MSLN: variants seen among roughly 807,000 people sequenced by gnomAD.
MSLN encodes the protein mesothelin, also known as CAK1 antigen.
A neutral mutation model predicts 72.6 loss-of-function variants in MSLN; 82 were observed. That is an observed-to-expected ratio of 1.13 (90% CI 0.94 to 1.36). The LOEUF is 1.36. Ranked by LOEUF, MSLN falls within the 40% of genes most tolerant of loss-of-function variation. MSLN has a pLI of 0.00. For synonymous variants in MSLN, 456 were observed against 387.3 expected (o/e 1.18, Z -2.08); for missense variants, 1,005 against 847.9 (o/e 1.19, Z -2.30).
At chr16:763,590 C>A in intron 4 of MSLN, 52 bp from the exon 5 acceptor site, 1 of 1,537,210 alleles carries the variant, frequency 6.5e-7, no homozygotes, top group South Asian at 1.2e-5. Flanking sequence ...CCTGGGAACT[C>A]CTGCTCCAGA....
chr16:762,715 C>T lies in MSLN; in HGVS notation c.35C>T (p.Ser12Phe). The change falls in exon 3 of 18, where the codon TCC (serine) becomes TTC (phenylalanine). Residue 12 changes from serine (S) to phenylalanine (F), a missense_variant. Transcript: ENST00000545450. ...ALPTARPLLG[S>F]CGTPALGSLL... ...CCAACGGCTCGACCCCTGTTGGGGTCCTGTGGGACCCCCGCCCTCGGCAGC... is the reference window on the plus strand; with the variant it reads ...CCAACGGCTCGACCCCTGTTGGGGTTCTGTGGGACCCCCGCCCTCGGCAGC... 7 of 1,608,334 alleles carry T rather than the reference C, an allele frequency of 4.4e-6. 1 individual carries two copies. Among genetic ancestry groups the T allele is most frequent in the Non-Finnish European group, 5.9e-6 (7 of 1,178,194 alleles).
Position 766,401 on chromosome 16 carries a change from CCT to C in MSLN, c.1142_1143del (p.Pro381ArgfsTer19). On this transcript the variant is annotated frameshift_variant, in exon 13 of 18. Transcript: ENST00000545450. LOFTEE classifies it high-confidence loss of function. Reference sequence around the variant, plus strand: ...GGGCTACCTCTTCCTCAAGATGAGCCCTGAGGACATTCGCAAGTGGAATGTGA... The same window carrying C: ...GGGCTACCTCTTCCTCAAGATGAGCCGAGGACATTCGCAAGTGGAATGTGA... Reference protein sequence around the residue: ...HLGYLFLKMSPEDIRKWNVTS... With the variant: ...HLGYLFLKMSXEDIRKWNVTS... 1 of 1,612,724 alleles carries C rather than the reference CCT, an allele frequency of 6.2e-7. No individual in the cohort carries two copies. Among genetic ancestry groups the C allele is most frequent in the Non-Finnish European group, 8.5e-7 (1 of 1,179,936 alleles).
chr16:765,113 G>C lies in MSLN; in HGVS notation c.514G>C (p.Val172Leu). Reference sequence around the variant, plus strand: ...GCTGAGGCCAGCCTCTCTGCAGGGTGTGCGGGGGTCTCTGCTGAGCGAGGC... The same window carrying C: ...GCTGAGGCCAGCCTCTCTGCAGGGTCTGCGGGGGTCTCTGCTGAGCGAGGC... ...LLPAALACWG[V>L]RGSLLSEADV... Residue 172 changes from valine (V) to leucine (L), a missense_variant, in exon 9 of 18, where the codon GTG becomes CTG. Val to Leu is a conservative substitution (Grantham distance 32). Coordinates refer to ENST00000545450, the MANE Select transcript of MSLN (RefSeq NM_005823.6). 6.2e-7 allele frequency: 1 copy of C among 1,605,032 alleles called. No homozygotes were observed. The highest frequency in any genetic ancestry group is 8.5e-7 in the Non-Finnish European group (1 of 1,177,726).
chr16:768,130 G>T (rs1322181281), intron 16 of MSLN, among the ~76,000 whole-genome samples: 11 of 145,946 alleles, frequency 7.5e-5, no homozygotes, highest in Non-Finnish European at 1.4e-4. Flanking sequence ...CCAACGGGGG[G>T]TGGGAGGGCG....
intron 3 of MSLN, 48 bp from the exon 4 acceptor site, chr16:763,185 G>C (rs770513131): frequency 1.2e-4 from 165 of 1,336,914 alleles, no homozygotes; most frequent in Admixed American, 5.5e-4. Context: ...TCAGGGCACA[G>C]CCCAGAGGCC....
chr16:764,395 C>A (rs915125425), intron 6 of MSLN, among the ~76,000 whole-genome samples: 1 of 152,206 alleles, frequency 6.6e-6, no homozygotes, highest in African/African-American at 2.4e-5. Flanking sequence ...GCGCCGTGGG[C>A]AGCCCTCCAG....
In MSLN at chr16:765,198, C is replaced by A; in HGVS notation, c.599C>A (p.Ser200Ter). 6.3e-7 allele frequency: 1 copy of A among 1,593,120 alleles called. No homozygotes were observed. Residue 200 changes from serine (S) to a stop codon, truncating the protein, a stop_gained, in exon 9 of 18, where the codon TCG becomes TAG. Coordinates refer to ENST00000545450, the MANE Select transcript of MSLN (RefSeq NM_005823.6). LOFTEE classifies it high-confidence loss of function. The part of the protein sequence containing the change: ...CDLPGRFVAE[S>*]AEVLLPRLVS... ...CTGCCTGGGCGCTTTGTGGCCGAGT[C>A]GGCCGAAGTGCTGCTACCCCGGCTG...
In MSLN at chr16:765,805, C is replaced by T. The variant is rs1360880267; in HGVS notation, c.895+15C>T. On this transcript the variant is annotated intron_variant, in intron 11 of 17. Coordinates refer to ENST00000545450, the MANE Select transcript of MSLN (RefSeq NM_005823.6). ...GGAAGTGGAGAGTGAGTGCCGTGCC[C>T]TGCGCAGTCTGGCACCAGGCTGGGC... The T allele has an allele frequency of 5.6e-6, 9 of 1,593,416 alleles. No individual in the cohort carries two copies. In the Admixed American group the frequency reaches 1.2e-4, roughly 21 times the overall value.
rs1388398620 is a variant in MSLN at position 767,371 on chromosome 16, G to C, written c.1502-5G>C. The stretch of plus-strand genomic sequence containing the variant: ...CTCAGCTCGGGCCCCTCTCCCGGCG[G>C]GCAGGTGGGGCCCCCACGGAGGATT... On this transcript the variant is annotated splice_polypyrimidine_tract_variant and splice_region_variant and intron_variant, in intron 15 of 17. Coordinates refer to ENST00000545450, the MANE Select transcript of MSLN (RefSeq NM_005823.6). 6.2e-7 allele frequency: 1 copy of C among 1,610,840 alleles called. No individual in the cohort carries two copies. Among genetic ancestry groups the C allele is most frequent in the African/African-American group, 1.3e-5 (1 of 74,498 alleles).
At chr16:768,623 C>T (rs373677270) in intron 17 of MSLN, 25 bp from the exon 18 acceptor site, 3 of 1,611,216 alleles carry the variant, frequency 1.9e-6, no homozygotes, top group Non-Finnish European at 2.5e-6. Context: ...GAGGTGGGCG[C>T]TCTGAGTCAC....
chr16:766,749 C>G lies in MSLN; in HGVS notation c.1312C>G (p.Pro438Ala). ...CCTAGACACCCTGACCGCCTTCTAC[C>G]CTGGGTACCTGTGCTCCCTCAGCCC... ...DTLDTLTAFY[P>A]GYLCSLSPEE... Residue 438 changes from proline to alanine, a missense_variant, in exon 14 of 18, where the codon CCT (proline) becomes GCT (alanine). Coordinates refer to ENST00000545450, the MANE Select transcript of MSLN (RefSeq NM_005823.6). The G allele has an allele frequency of 6.2e-7, 1 of 1,612,662 alleles. No individual in the cohort carries two copies. The highest frequency in any genetic ancestry group is 8.5e-7 in the Non-Finnish European group (1 of 1,179,898).
At position 766,247 on chromosome 16, in the gene MSLN, G is replaced by C. The variant is rs202191911; in HGVS notation, c.1074+10G>C. The stretch of plus-strand genomic sequence containing the variant: ...GCATAAACTGGATGAGGTAGTTCAT[G>C]ACTCAAGTTCCCACCGGCCTGCTGT... On this transcript the variant is annotated intron_variant, in intron 12 of 17. Coordinates refer to ENST00000545450, the MANE Select transcript of MSLN (RefSeq NM_005823.6). 4 of 1,608,230 alleles carry C rather than the reference G, an allele frequency of 2.5e-6. No individual in the cohort carries two copies. Among genetic ancestry groups the C allele is most frequent in the Non-Finnish European group, 3.4e-6 (4 of 1,176,118 alleles).
rs780158883 is a variant in MSLN at position 763,990 on chromosome 16, G to A, written c.180-33G>A. 1.9e-5 allele frequency: 30 copies of A among 1,592,024 alleles called. No individual in the cohort carries two copies. The African/African-American group carries it at 2.5e-4, about 13-fold the overall frequency. ...TGGGTGGACATTGCAGGGGAGGGGCGATCGTGGGTGCCCAGCCCGACCCTT... is the reference window on the plus strand; with the variant it reads ...TGGGTGGACATTGCAGGGGAGGGGCAATCGTGGGTGCCCAGCCCGACCCTT... On this transcript the variant is annotated intron_variant, in intron 5 of 17. Coordinates refer to ENST00000545450, the MANE Select transcript of MSLN (RefSeq NM_005823.6).
At position 761,065 on chromosome 16, in the gene MSLN, G is replaced by C. The variant is rs1441582434; in HGVS notation, c.-111-8G>C. 6.6e-6 allele frequency: 1 copy of C among 152,430 alleles called. No homozygotes were observed. The highest frequency in any genetic ancestry group is 3.4e-3 in the Middle Eastern group (1 of 294). 9.4% of individuals were successfully genotyped at this position (152,430 alleles called of 1,614,324 possible). On this transcript the variant is annotated splice_polypyrimidine_tract_variant and splice_region_variant and intron_variant, in intron 1 of 17. Transcript: ENST00000545450. The stretch of plus-strand genomic sequence containing the variant: ...AGGGGCTGTCCTGTTCCTCATGGGC[G>C]CTGCCAGCGCCACGCACTCCTCTTT...
chr16:766,755 T>C lies in MSLN; in HGVS notation c.1318T>C (p.Tyr440His). Residue 440 changes from tyrosine to histidine, a missense_variant, in exon 14 of 18, where the codon TAC (tyrosine) becomes CAC (histidine). Transcript: ENST00000545450. The part of the protein sequence containing the change: ...LDTLTAFYPG[Y>H]LCSLSPEELS... Reference sequence around the variant, plus strand: ...CACCCTGACCGCCTTCTACCCTGGGTACCTGTGCTCCCTCAGCCCCGAGGA... The same window carrying C: ...CACCCTGACCGCCTTCTACCCTGGGCACCTGTGCTCCCTCAGCCCCGAGGA... 6.2e-7 allele frequency: 1 copy of C among 1,612,584 alleles called. No individual in the cohort carries two copies. The highest frequency in any genetic ancestry group is 8.5e-7 in the Non-Finnish European group (1 of 1,179,878).
rs767932671 is a variant in MSLN, at chr16:767,392, G to A, written c.1518G>A (p.Glu506=). 5.6e-5 allele frequency: 91 copies of A among 1,610,730 alleles called. 1 individual carries two copies. In the East Asian group the frequency reaches 1.4e-3, roughly 24 times the overall value. Residue 506 remains glutamate, a synonymous_variant, in exon 16 of 18, where the codon GAG becomes GAA. Coordinates refer to ENST00000545450, the MANE Select transcript of MSLN (RefSeq NM_005823.6). ...GGCGGGCAGGTGGGGCCCCCACGGA[G>A]GATTTGAAGGCGCTCAGTCAGCAGA... ...IQSFLGGAPT[E]DLKALSQQNV...
Position 762,695 on chromosome 16 carries a change from G to T in MSLN, c.15G>T (p.Thr5=). Residue 5 remains threonine, a synonymous_variant, in exon 3 of 18, where the codon ACG becomes ACT. Coordinates refer to ENST00000545450, the MANE Select transcript of MSLN (RefSeq NM_005823.6). Reference sequence around the variant, plus strand: ...AGACACAGACCATGGCCTTGCCAACGGCTCGACCCCTGTTGGGGTCCTGTG... The same window carrying T: ...AGACACAGACCATGGCCTTGCCAACTGCTCGACCCCTGTTGGGGTCCTGTG... The part of the protein sequence containing the change: MALP[T]ARPLLGSCGT... 1 of 1,611,778 alleles carries T rather than the reference G, an allele frequency of 6.2e-7. No individual in the cohort carries two copies. Among genetic ancestry groups the T allele is most frequent in the South Asian group, 1.1e-5 (1 of 91,038 alleles).
At chr16:768,030 G>GA (rs1269636861) in intron 16 of MSLN, among the ~76,000 whole-genome samples, 3 of 60,048 alleles carry the variant, frequency 5.0e-5, no homozygotes, top group African/African-American at 9.7e-5. Flanking sequence ...GGGTGTGGAG[G>GA]GGGGCGCGTG....
chr16:768,164 C>T (rs868777860), intron 16 of MSLN, among the ~76,000 whole-genome samples: 48 of 150,182 alleles, frequency 3.2e-4, no homozygotes, highest in South Asian at 1.7e-3. Flanking sequence ...TGCAGTGGGG[C>T]GAGGCCTTAG....
Sources: gnomAD v4.1 joint callset for allele counts (sites outside exome capture counted in the v4.1 genomes callset) on GRCh38, gnomAD v4.1.1 for gene constraint, MANE v1.5 for transcripts, NCBI Gene and HGNC (gene_info 2026-07-23, HGNC 2026-07-21) for gene names.